The following DRAXIN variants were observed in gnomAD, a reference collection of about 807,000 sequenced individuals.
DRAXIN encodes the protein dorsal inhibitory axon guidance protein.
Under a neutral mutation model 33.9 loss-of-function variants are expected in DRAXIN, and 27 were observed. The ratio of observed to expected loss-of-function variants is 0.80; its 90% CI spans 0.59 to 1.10. The LOEUF (loss-of-function observed/expected upper bound fraction) is 1.10. Among genes scored for constraint, DRAXIN ranks in the 50% least tolerant of loss-of-function variants. The probability of loss-of-function intolerance (pLI) is 0.00; values close to 1 mark genes in which losing one functional copy is unlikely to be tolerated. For synonymous variants in DRAXIN, 178 were observed against 194.0 expected, an observed-to-expected ratio of 0.92 and a Z score of 0.69; for missense variants, 371 against 460.8, an observed-to-expected ratio of 0.81 and a Z score of 1.78.
chr1:11,701,636 A>C (rs1450462874), intron 1 of DRAXIN, among the ~76,000 whole-genome samples: 1 of 152,056 alleles, frequency 6.6e-6, no homozygotes, highest in African/African-American at 2.4e-5. Context: ...GTCCAGGGCT[A>C]CTCCGGGCTG....
Position 11,693,701 on chromosome 1 carries a change from G to A in DRAXIN, c.-11+1848G>A, listed in dbSNP as rs111598716. ...AGACAGGCCCTACTTTGGTGAACCCGGCCCTTCATACCATCTCTACCCCCT... is the reference window on the plus strand; with the variant it reads ...AGACAGGCCCTACTTTGGTGAACCCAGCCCTTCATACCATCTCTACCCCCT... On this transcript the variant is annotated intron_variant, in intron 1 of 6. Coordinates refer to ENST00000294485, the MANE Select transcript of DRAXIN (RefSeq NM_198545.4). 1.5e-4 allele frequency among the ~76,000 whole-genome samples: 23 copies of A among 152,230 alleles called. 1 individual carries two copies. The highest frequency in any genetic ancestry group is 4.6e-4 in the African/African-American group (19 of 41,530).
At position 11,692,884 on chromosome 1, in the gene DRAXIN, A is replaced by G. The variant is rs1053293029; in HGVS notation, c.-11+1031A>G. ...ACAGGGATGGTGCTAGTCCCTACCT[A>G]TAGGGATGTGTGTGGAAATTGTGGG... On this transcript the variant is annotated intron_variant, in intron 1 of 6. Coordinates refer to ENST00000294485, the MANE Select transcript of DRAXIN (RefSeq NM_198545.4). The surrounding 1 kb of genome is among the most constrained non-coding windows in gnomAD (Gnocchi z 5.8). 6.6e-6 allele frequency among the ~76,000 whole-genome samples: 1 copy of G among 150,636 alleles called. No homozygotes were observed. Among genetic ancestry groups the G allele is most frequent in the African/African-American group, 2.4e-5 (1 of 40,996 alleles).
At chr1:11,686,746 A>G (rs1640962631), upstream of DRAXIN, among the ~76,000 whole-genome samples, 1 of 148,050 alleles carries the variant, frequency 6.8e-6, no homozygotes. Flanking sequence ...GTGTCCAGAT[A>G]TATTCAGAAG....
chr1:11,688,633 T>C (rs1641005251), upstream of DRAXIN, among the ~76,000 whole-genome samples: 1 of 152,092 alleles, frequency 6.6e-6, no homozygotes, highest in Non-Finnish European at 1.5e-5. This position sits in a 1 kb window ranked among gnomAD's most constrained non-coding sequence, Gnocchi z 4.6. Flanking sequence ...GCTCTGCTCA[T>C]GGTCCCTCTA....
Position 11,696,729 on chromosome 1 carries a change from T to G in DRAXIN, c.-11+4876T>G, listed in dbSNP as rs915547693. On this transcript the variant is annotated intron_variant, in intron 1 of 6. Coordinates refer to ENST00000294485, the MANE Select transcript of DRAXIN (RefSeq NM_198545.4). The surrounding 1 kb of genome is among the most constrained non-coding windows in gnomAD (Gnocchi z 4.7). Reference sequence around the variant, plus strand: ...TTAGCCGGGCGTGGTGGTGTGCACCTGTAGTCCCAGCTACTCGGGAGGCTG... The same window carrying G: ...TTAGCCGGGCGTGGTGGTGTGCACCGGTAGTCCCAGCTACTCGGGAGGCTG... 1.3e-5 allele frequency among the ~76,000 whole-genome samples: 2 copies of G among 152,136 alleles called. No homozygotes were observed. The highest frequency in any genetic ancestry group is 4.8e-5 in the African/African-American group (2 of 41,428).
Position 11,706,843 on chromosome 1 carries a change from A to T in DRAXIN, c.451+134A>T. 1.0e-6 allele frequency: 1 copy of T among 992,616 alleles called. No individual in the cohort carries two copies. Among genetic ancestry groups the T allele is most frequent in the South Asian group, 1.9e-5 (1 of 52,636 alleles). The allele number at this position is 992,616 out of a possible 1,614,324, so 61.5% of individuals were successfully genotyped here. On this transcript the variant is annotated intron_variant, in intron 2 of 6. Coordinates refer to ENST00000294485, the MANE Select transcript of DRAXIN (RefSeq NM_198545.4). The surrounding 1 kb of genome is among the most constrained non-coding windows in gnomAD (Gnocchi z 5.5). ...GAGGGGTCTCACTGAAGCCAGAGGGACCTGGTAAGGGGAGGAGGCTGGGAG... is the reference window on the plus strand; with the variant it reads ...GAGGGGTCTCACTGAAGCCAGAGGGTCCTGGTAAGGGGAGGAGGCTGGGAG...
Position 11,723,306 on chromosome 1 carries a change from A to G in DRAXIN, c.*3610A>G, listed in dbSNP as rs973885085. 1.3e-5 allele frequency: 2 copies of G among 152,186 alleles called. No homozygotes were observed. The highest frequency in any genetic ancestry group is 4.8e-5 in the African/African-American group (2 of 41,446). The allele number at this position is 152,186 out of a possible 1,614,324, so 9.4% of individuals were successfully genotyped here. ...CTGCACGTTGCAATAATCCAGGAAC[A>G]TTCACAGGCCTGGGGCCCACCCACA... On this transcript the variant is annotated 3_prime_UTR_variant, in exon 7 of 7. Coordinates refer to ENST00000294485, the MANE Select transcript of DRAXIN (RefSeq NM_198545.4).
rs970751221 is a variant in DRAXIN, at chr1:11,696,182, A to G, written c.-11+4329A>G. The stretch of plus-strand genomic sequence containing the variant: ...ACAGATGCACAAATGCTTCCAGGAA[A>G]CTCCCTGGCCCCCACCACACCCATG... On this transcript the variant is annotated intron_variant, in intron 1 of 6. Coordinates refer to ENST00000294485, the MANE Select transcript of DRAXIN (RefSeq NM_198545.4). The surrounding 1 kb of genome is among the most constrained non-coding windows in gnomAD (Gnocchi z 4.7). 2.6e-5 allele frequency among the ~76,000 whole-genome samples: 4 copies of G among 150,944 alleles called. No homozygotes were observed. The highest frequency in any genetic ancestry group is 5.9e-5 in the Non-Finnish European group (4 of 67,730).
rs181252473 is a variant in DRAXIN at position 11,725,076 on chromosome 1, G to T, written c.*5380G>T. ...TTAGACACTCAAGATTACGGTCCCG[G>T]GCCAGTAACAGCACCTGGGAGCTTG... On this transcript the variant is annotated 3_prime_UTR_variant, in exon 7 of 7. Coordinates refer to ENST00000294485, the MANE Select transcript of DRAXIN (RefSeq NM_198545.4). 6.6e-6 allele frequency: 1 copy of T among 152,304 alleles called. No homozygotes were observed. Among genetic ancestry groups the T allele is most frequent in the African/African-American group, 2.4e-5 (1 of 41,540 alleles). 9.4% of individuals were successfully genotyped at this position (152,304 alleles called of 1,614,324 possible).
rs772484470 is a variant in DRAXIN at position 11,715,129 on chromosome 1, C to T, written c.858C>T (p.Cys286=). ...HHQDCLPGTC[C]DLREHLCTPH... is the part of the protein sequence containing the mutation. Reference sequence around the variant, plus strand: ...TCTCTGTGTTGGCAGGGACTTGCTGCGACCTGCGGGAGCATCTCTGCACAC... The same window carrying T: ...TCTCTGTGTTGGCAGGGACTTGCTGTGACCTGCGGGAGCATCTCTGCACAC... The change falls in exon 6 of 7, where the codon TGC becomes TGT. Residue 286 remains cysteine, a synonymous_variant. Transcript: ENST00000294485. 7.4e-6 allele frequency: 12 copies of T among 1,614,102 alleles called. No individual in the cohort carries two copies. Among genetic ancestry groups the T allele is most frequent in the East Asian group, 2.2e-5 (1 of 44,900 alleles).
intron 2 of DRAXIN, among the ~76,000 whole-genome samples, chr1:11,707,347 G>A (rs1000633058): frequency 7.2e-5 from 11 of 152,164 alleles, no homozygotes; most frequent in Admixed American, 3.9e-4. Context: ...TTTCTTACTC[G>A]ACTCTGACGC....
chr1:11,714,850 G>A (rs1173550905), intron 5 of DRAXIN, among the ~76,000 whole-genome samples: 1 of 152,202 alleles, frequency 6.6e-6, no homozygotes, highest in Non-Finnish European at 1.5e-5. Flanking sequence ...GCTCTGTCTG[G>A]GAGGAGACCT....
At chr1:11,697,633 C>G (rs532780350) in intron 1 of DRAXIN, among the ~76,000 whole-genome samples, 1 of 152,324 alleles carries the variant, frequency 6.6e-6, no homozygotes, top group East Asian at 1.9e-4. Context: ...GAAGCCAGGT[C>G]TCTCCCTTCA....
Position 11,709,293 on chromosome 1 carries a change from G to T in DRAXIN, c.470G>T (p.Gly157Val). ...GTCTCAGGCCGAGCCTTGGTCCGAG[G>T]TCCCAGCTCCCTGATGAAGAAGGCA... ...RLHQGRALVR[G>V]PSSLMKKAEL... Residue 157 changes from glycine (G) to valine (V), a missense_variant, in exon 3 of 7, where the codon GGT becomes GTT. By Grantham distance (109) the Gly-to-Val change is moderately radical (BLOSUM62 -3). Coordinates refer to ENST00000294485, the MANE Select transcript of DRAXIN (RefSeq NM_198545.4). 1 of 1,612,980 alleles carries T rather than the reference G, an allele frequency of 6.2e-7. No individual in the cohort carries two copies. Among genetic ancestry groups the T allele is most frequent in the Non-Finnish European group, 8.5e-7 (1 of 1,179,416 alleles).
rs1641611613 is a variant in DRAXIN at position 11,718,316 on chromosome 1, A to AAAAC, written c.938-1265_938-1264insCAAA. 3.6e-4 allele frequency among the ~76,000 whole-genome samples: 4 copies of AAAAC among 11,214 alleles called. No individual in the cohort carries two copies. The South Asian group carries it at 0.01, about 29-fold the overall frequency. 7.4% of individuals were successfully genotyped at this position (11,214 alleles called of 152,430 possible). On this transcript the variant is annotated intron_variant, in intron 6 of 6. Transcript: ENST00000294485. ...GGTGACAAGAGCAAAACTCCATCTCAAAAAAAAAAAAAAAAAAAGCAATGG... is the reference window on the plus strand; with the variant it reads ...GGTGACAAGAGCAAAACTCCATCTCAAAACAAAAAAAAAAAAAAAAAAGCAATGG...
chr1:11,704,741 C>G lies in DRAXIN; in HGVS notation c.-10-1508C>G, dbSNP rs1641353099. Among the ~76,000 whole-genome samples the G allele has an allele frequency of 6.6e-6, 1 of 152,212 alleles. No homozygotes were observed. The highest frequency in any genetic ancestry group is 1.5e-5 in the Non-Finnish European group (1 of 68,034). ...GCTCACCTAGTATCTTCAGCCAGAT[C>G]CCCGGGATAGGGGACAAGATGGAAA... On this transcript the variant is annotated intron_variant, in intron 1 of 6. Coordinates refer to ENST00000294485, the MANE Select transcript of DRAXIN (RefSeq NM_198545.4). This position sits in a 1 kb window ranked among gnomAD's most constrained non-coding sequence, Gnocchi z 4.6.
intron 4 of DRAXIN, 117 bp from the exon 5 acceptor site, chr1:11,712,223 G>A (rs1435544490): frequency 1.7e-6 from 2 of 1,211,756 alleles, no homozygotes; most frequent in Non-Finnish European, 2.4e-6. Context: ...GTCCAACAGT[G>A]CCTTGTCCAA....
At position 11,694,529 on chromosome 1, in the gene DRAXIN, C is replaced by T. The variant is rs1043356365; in HGVS notation, c.-11+2676C>T. 6.6e-6 allele frequency among the ~76,000 whole-genome samples: 1 copy of T among 152,172 alleles called. No homozygotes were observed. Among genetic ancestry groups the T allele is most frequent in the Non-Finnish European group, 1.5e-5 (1 of 68,030 alleles). The stretch of plus-strand genomic sequence containing the variant: ...AGATTGGGTTTGAAGCCCAGCTGAT[C>T]ACTTAGCAGCTGTGGGACCCAGAGG... On this transcript the variant is annotated intron_variant, in intron 1 of 6. Coordinates refer to ENST00000294485, the MANE Select transcript of DRAXIN (RefSeq NM_198545.4). This position sits in a 1 kb window ranked among gnomAD's most constrained non-coding sequence, Gnocchi z 4.9.
In DRAXIN at chr1:11,694,937, G is replaced by A. The variant is rs536594566; in HGVS notation, c.-11+3084G>A. ...CTCTTGATGGGATGGGGTTGAAGGG[G>A]TGGTTATGAGGGATGAGGCTCCTGC... On this transcript the variant is annotated intron_variant, in intron 1 of 6. Coordinates refer to ENST00000294485, the MANE Select transcript of DRAXIN (RefSeq NM_198545.4). The surrounding 1 kb of genome is among the most constrained non-coding windows in gnomAD (Gnocchi z 4.9). 2.0e-5 allele frequency among the ~76,000 whole-genome samples: 3 copies of A among 152,348 alleles called. No individual in the cohort carries two copies. Among genetic ancestry groups the A allele is most frequent in the East Asian group, 1.9e-4 (1 of 5,186 alleles).
Sources: gnomAD v4.1 joint callset for allele counts (sites outside exome capture counted in the v4.1 genomes callset) on GRCh38, gnomAD v4.1.1 for gene constraint, Gnocchi (gnomAD v3.1) non-coding constraint, MANE v1.5 for transcripts, NCBI Gene and HGNC (gene_info 2026-07-23, HGNC 2026-07-21) for gene names.